The following RPS6KA2 variants were observed in gnomAD, a reference collection of about 807,000 sequenced individuals.
RPS6KA2 encodes ribosomal protein S6 kinase A2.
Under a neutral mutation model 91.8 loss-of-function variants are expected in RPS6KA2, and 42 were observed. The observed-to-expected ratio is 0.46, with a 90% confidence interval of 0.36 to 0.59. The LOEUF (loss-of-function observed/expected upper bound fraction) is 0.59, where lower values mean the gene tolerates loss of function less well. Ranked by LOEUF, RPS6KA2 falls within the 20% of genes least tolerant of loss-of-function variation. The pLI, the probability that RPS6KA2 is intolerant of heterozygous loss-of-function variation, is 0.00. For missense variants in RPS6KA2, 798 were observed against 978.5 expected (o/e 0.82, Z 2.46); for synonymous variants, 414 against 393.6 (o/e 1.05, Z -0.61).
Position 166,757,164 on chromosome 6 carries a change from G to A in RPS6KA2, c.123+101036C>T, listed in dbSNP as rs559538294. On this transcript the variant is annotated intron_variant, in intron 2 of 21. Transcript: ENST00000503859. Reference sequence around the variant, plus strand: ...CCCAAAACTTTACCTTTTAGTAACAGTAAAAATAAACGTCAGCTTTGTCAT... The same window carrying A: ...CCCAAAACTTTACCTTTTAGTAACAATAAAAATAAACGTCAGCTTTGTCAT... 3.8e-4 allele frequency among the ~76,000 whole-genome samples: 58 copies of A among 152,280 alleles called. 1 individual carries two copies. Among genetic ancestry groups the A allele is most frequent in the Admixed American group, 9.8e-4 (15 of 15,298 alleles).
intron 2 of RPS6KA2, among the ~76,000 whole-genome samples, chr6:166,853,459 G>A (rs553479181): frequency 1.3e-5 from 2 of 152,332 alleles, no homozygotes; most frequent in Admixed American, 6.5e-5. Flanking sequence ...TCGCCTCTGT[G>A]CCGTGGAAGT....
At chr6:166,734,352 C>T (rs1790613387) in intron 2 of RPS6KA2, among the ~76,000 whole-genome samples, 1 of 152,188 alleles carries the variant, frequency 6.6e-6, no homozygotes, top group Admixed American at 6.5e-5. Context: ...CATGAATTCT[C>T]AACTCAAGAT....
chr6:166,608,833 T>C (rs1204608895), intron 1 of RPS6KA2, among the ~76,000 whole-genome samples: 1 of 152,156 alleles, frequency 6.6e-6, no homozygotes, highest in Non-Finnish European at 1.5e-5. Context: ...AGTTGATATA[T>C]ATTTAGGCCC....
chr6:166,606,632 A>G (rs1785965447), intron 1 of RPS6KA2, among the ~76,000 whole-genome samples: 1 of 152,252 alleles, frequency 6.6e-6, no homozygotes, highest in South Asian at 2.1e-4. Flanking sequence ...CATAATTCTT[A>G]TAACTCAACA....
At chr6:166,605,378 C>A (rs1171714557) in intron 1 of RPS6KA2, among the ~76,000 whole-genome samples, 1 of 152,038 alleles carries the variant, frequency 6.6e-6, no homozygotes, top group East Asian at 1.9e-4. Context: ...GGTCACGTAG[C>A]CTAAAATACG....
At chr6:166,470,859 A>C (rs1780740603) in intron 10 of RPS6KA2, among the ~76,000 whole-genome samples, 1 of 152,222 alleles carries the variant, frequency 6.6e-6, no homozygotes, top group Non-Finnish European at 1.5e-5. Flanking sequence ...TCTATTAATT[A>C]AAAACAAAAG....
chr6:166,554,602 G>A lies in RPS6KA2; in HGVS notation c.100-15818C>T, dbSNP rs956199139. Among the ~76,000 whole-genome samples the A allele has an allele frequency of 6.6e-6, 1 of 152,224 alleles. No individual in the cohort carries two copies. The highest frequency in any genetic ancestry group is 2.4e-5 in the African/African-American group (1 of 41,454). On this transcript the variant is annotated intron_variant, in intron 1 of 20. Transcript: ENST00000265678. The surrounding 1 kb of genome is among the most constrained non-coding windows in gnomAD (Gnocchi z 4.3). ...CGATGTGAGAACTCGCGGCTGGCAC[G>A]CGGGTGGCCATGGGGGGGTGGGGGT...
At chr6:166,688,809 C>T (rs1463029504) in intron 2 of RPS6KA2, among the ~76,000 whole-genome samples, 1 of 152,202 alleles carries the variant, frequency 6.6e-6, no homozygotes, top group Non-Finnish European at 1.5e-5. Flanking sequence ...CCACATGAAC[C>T]CATGTGGGGC....
Position 166,448,970 on chromosome 6 carries a change from C to T in RPS6KA2, c.1207-121G>A. The stretch of plus-strand genomic sequence containing the variant: ...CGACTGTGAACTGAGTGTGTGGAGG[C>T]CTGGGAGCTCATGGGTCCCCCTGCC... On this transcript the variant is annotated intron_variant, in intron 13 of 20. Coordinates refer to ENST00000265678, the MANE Select transcript of RPS6KA2 (RefSeq NM_021135.6). This position sits in a 1 kb window ranked among gnomAD's most constrained non-coding sequence, Gnocchi z 4.7. The T allele has an allele frequency of 3.2e-6, 4 of 1,239,282 alleles. No homozygotes were observed. The highest frequency in any genetic ancestry group is 4.5e-6 in the Non-Finnish European group (4 of 881,674). 76.8% of individuals were successfully genotyped at this position (1,239,282 alleles called of 1,614,324 possible). A position where few individuals can be genotyped will look rare whatever the true frequency, so the allele number is the denominator to read the frequency against.
In RPS6KA2 at chr6:166,417,335, G is replaced by A. The variant is rs887319466; in HGVS notation, c.1938+890C>T. On this transcript the variant is annotated intron_variant, in intron 19 of 20. Coordinates refer to ENST00000265678, the MANE Select transcript of RPS6KA2 (RefSeq NM_021135.6). ...TATGTTACCCAGTCTAGAGGTTGCT[G>A]TGAAGGTGTTTTTCAGGATGTGGTT... Among the ~76,000 whole-genome samples, 5 of 152,330 alleles carry A rather than the reference G, an allele frequency of 3.3e-5. No individual in the cohort carries two copies. The South Asian group carries it at 1.0e-3, about 32-fold the overall frequency.
At chr6:166,484,060 G>A (rs1487703253) in intron 10 of RPS6KA2, among the ~76,000 whole-genome samples, 1 of 152,216 alleles carries the variant, frequency 6.6e-6, no homozygotes, top group African/African-American at 2.4e-5. Flanking sequence ...GGGGGCCAAG[G>A]CGTGACATGC....
At position 166,838,921 on chromosome 6, in the gene RPS6KA2, C is replaced by T. The variant is rs139839394; in HGVS notation, c.123+19279G>A. ...AAGGCAGCAGGTCAGAGTCAGAGGA[C>T]GAGATGTGGCCATGGAGGTCGGGAT... On this transcript the variant is annotated intron_variant, in intron 2 of 21. Coordinates refer to the RPS6KA2 transcript ENST00000503859. Among the ~76,000 whole-genome samples the T allele has an allele frequency of 1.5e-3, 207 of 137,688 alleles. 3 individuals carry two copies. Among genetic ancestry groups the T allele is most frequent in the Non-Finnish European group, 2.3e-3 (155 of 67,930 alleles). 90.3% of individuals were successfully genotyped at this position (137,688 alleles called of 152,430 possible).
intron 1 of RPS6KA2, among the ~76,000 whole-genome samples, chr6:166,621,074 G>C (rs931856670): frequency 2.0e-5 from 3 of 152,220 alleles, no homozygotes; most frequent in Non-Finnish European, 4.4e-5. Flanking sequence ...CATAGAGGAA[G>C]ACTGGCTAGG....
intron 5 of RPS6KA2, among the ~76,000 whole-genome samples, chr6:166,505,866 T>C (rs1782201151): frequency 6.6e-6 from 1 of 152,256 alleles, no homozygotes; most frequent in South Asian, 2.1e-4. Context: ...GTTCTGCTAG[T>C]GGCCTGGTTC....
At chr6:166,672,900 A>T (rs909245895) in intron 2 of RPS6KA2, among the ~76,000 whole-genome samples, 1 of 152,166 alleles carries the variant, frequency 6.6e-6, no homozygotes, top group African/African-American at 2.4e-5. Context: ...GCCTCGGCAG[A>T]AGGAGGCTCC....
intron 1 of RPS6KA2, among the ~76,000 whole-genome samples, chr6:166,613,801 C>T (rs11753144): frequency 0.016 from 2,334 of 149,210 alleles, 36 homozygotes; most frequent in Non-Finnish European, 0.027. Context: ...AGGACACAGT[C>T]GGGCTTTTCA....
intron 7 of RPS6KA2, among the ~76,000 whole-genome samples, chr6:166,498,939 G>A (rs542534183): frequency 6.6e-6 from 1 of 152,352 alleles, no homozygotes; most frequent in East Asian, 1.9e-4. Context: ...GTCAGTCAGT[G>A]ACGGGAACTC....
At chr6:166,514,273 G>C (rs114974655) in intron 3 of RPS6KA2, among the ~76,000 whole-genome samples, 1 of 152,216 alleles carries the variant, frequency 6.6e-6, no homozygotes, top group Non-Finnish European at 1.5e-5. Flanking sequence ...GAAGAGGCAG[G>C]CTCTGCCCTC....
At position 166,767,400 on chromosome 6, in the gene RPS6KA2, T is replaced by C. The variant is rs1778340688; in HGVS notation, c.123+90800A>G. ...CGCGGATCAATGTGCTCCAGATCAA[T>C]GCGGTCCAGAGGTGAAAGCGTGGTT... On this transcript the variant is annotated intron_variant, in intron 2 of 21. Transcript: ENST00000503859. This position sits in a 1 kb window ranked among gnomAD's most constrained non-coding sequence, Gnocchi z 4.6. Among the ~76,000 whole-genome samples the C allele has an allele frequency of 6.6e-6, 1 of 152,142 alleles. No individual in the cohort carries two copies. Among genetic ancestry groups the C allele is most frequent in the Admixed American group, 6.5e-5 (1 of 15,290 alleles).
Sources: gnomAD v4.1 joint callset for allele counts (sites outside exome capture counted in the v4.1 genomes callset) on GRCh38, gnomAD v4.1.1 for gene constraint, Gnocchi (gnomAD v3.1) non-coding constraint, MANE v1.5 for transcripts, NCBI Gene and HGNC (gene_info 2026-07-23, HGNC 2026-07-21) for gene names.